The following ASRGL1 variants were observed in gnomAD, a reference collection of about 807,000 sequenced individuals.
ASRGL1 encodes the protein asparaginase and isoaspartyl peptidase 1, also known as isoaspartyl peptidase/L-asparaginase.
In ASRGL1, 16 loss-of-function variants were observed where a neutral mutation model predicts 22.4. The observed-to-expected ratio is 0.71, with a 90% confidence interval of 0.48 to 1.08. The LOEUF (loss-of-function observed/expected upper bound fraction) is 1.08. Among genes scored for constraint, ASRGL1 ranks in the 50% least tolerant of loss-of-function variants. The pLI is 0.00. For missense variants in ASRGL1, 412 were observed against 410.1 expected (o/e 1.00, Z -0.04); for synonymous variants, 165 against 159.3 (o/e 1.04, Z -0.27).
In ASRGL1 at chr11:62,338,075, T is replaced by A. The variant is rs747610961; in HGVS notation, c.98T>A (p.Val33Glu). 1 of 1,607,752 alleles carries A rather than the reference T, an allele frequency of 6.2e-7. No homozygotes were observed. The highest frequency in any genetic ancestry group is 2.2e-5 in the East Asian group (1 of 44,550). The change falls in exon 2 of 7, where the codon GTG becomes GAG. Residue 33 changes from valine (V) to glutamate (E), a missense_variant. Val to Glu is a moderately radical substitution (Grantham distance 121). Transcript: ENST00000415229. ...CAGGGCATGGTCAGAGCCGCCACCG[T>A]GGGCTACGGCATCCTCCGGGAGGGC... ...VHQGMVRAAT[V>E]GYGILREGGS...
chr11:62,372,484 G>T (rs1431333743), intron 4 of ASRGL1: 4 of 1,371,062 alleles, frequency 2.9e-6, no homozygotes, highest in Non-Finnish European at 4.2e-6. Flanking sequence ...CAACTCAGAT[G>T]GGAAGTTCAT....
chr11:62,375,428 T>TTATATATATA (rs71053051), intron 4 of ASRGL1, among the ~76,000 whole-genome samples: 132 of 68,940 alleles, frequency 1.9e-3, no homozygotes, highest in African/African-American at 2.5e-3. Context: ...TTGTCTTACT[T>TTATATATATA]TATATATATA....
At chr11:62,378,760 T>G (rs1451515052) in intron 4 of ASRGL1, among the ~76,000 whole-genome samples, 1 of 152,174 alleles carries the variant, frequency 6.6e-6, no homozygotes, top group Non-Finnish European at 1.5e-5. Context: ...TTCTAATTGT[T>G]CCTTTGCTAA....
intron 4 of ASRGL1, among the ~76,000 whole-genome samples, chr11:62,357,910 T>C (rs1438231653): frequency 4.6e-5 from 7 of 152,214 alleles, no homozygotes; most frequent in Non-Finnish European, 8.8e-5. Context: ...ATCAGAGGTA[T>C]ACCTTGTATC....
intron 4 of ASRGL1, among the ~76,000 whole-genome samples, chr11:62,388,485 G>A (rs939597287): frequency 6.6e-6 from 1 of 151,934 alleles, no homozygotes; most frequent in Non-Finnish European, 1.5e-5. Flanking sequence ...TGGCCAAGAT[G>A]ATGATGAAAC....
At chr11:62,372,061 G>A in intron 4 of ASRGL1, 1 of 754,848 alleles carries the variant, frequency 1.3e-6, no homozygotes, top group Non-Finnish European at 2.4e-6. Flanking sequence ...GGGTCCGGGT[G>A]CGGACAGTGG....
chr11:62,350,287 G>T (rs1422493895), intron 2 of ASRGL1, among the ~76,000 whole-genome samples: 1 of 152,116 alleles, frequency 6.6e-6, no homozygotes, highest in African/African-American at 2.4e-5. Context: ...TTATTGCTGA[G>T]TAGTATTCTC....
chr11:62,344,040 G>T (rs1945947216), intron 2 of ASRGL1, among the ~76,000 whole-genome samples: 1 of 150,820 alleles, frequency 6.6e-6, no homozygotes, highest in Admixed American at 6.6e-5. Context: ...AGGATTACAG[G>T]GCATGTGACC....
intron 4 of ASRGL1, chr11:62,373,269 G>C: frequency 1.4e-6 from 1 of 717,960 alleles, no homozygotes; most frequent in Non-Finnish European, 2.5e-6. Context: ...ATTTAAAAAA[G>C]CAAAAGTGGA....
At chr11:62,364,213 T>C (rs1946554708) in intron 4 of ASRGL1, among the ~76,000 whole-genome samples, 1 of 145,786 alleles carries the variant, frequency 6.9e-6, no homozygotes, top group Admixed American at 7.1e-5. Context: ...AGAAAAAATA[T>C]TTTTATGGAA....
chr11:62,339,143 T>TC (rs1434544553), intron 2 of ASRGL1, among the ~76,000 whole-genome samples: 1 of 152,148 alleles, frequency 6.6e-6, no homozygotes, highest in Non-Finnish European at 1.5e-5. Context: ...ATGTAGATTT[T>TC]CCCCACAAGA....
At chr11:62,386,647 C>T (rs747482514) in intron 4 of ASRGL1, among the ~76,000 whole-genome samples, 15 of 152,212 alleles carry the variant, frequency 9.9e-5, no homozygotes, top group South Asian at 6.2e-4. Flanking sequence ...CTTGAGAATG[C>T]GCTTATGGTA....
intron 4 of ASRGL1, among the ~76,000 whole-genome samples, chr11:62,377,099 A>T (rs571562024): frequency 6.6e-6 from 1 of 152,180 alleles, no homozygotes; most frequent in Non-Finnish European, 1.5e-5. Context: ...GCCTGTTTCC[A>T]TGTGACGTCA....
intron 4 of ASRGL1, chr11:62,373,050 C>A: frequency 7.2e-7 from 1 of 1,394,824 alleles, no homozygotes; most frequent in Non-Finnish European, 1.0e-6. Context: ...GAAGACTCTG[C>A]ATGGCATTTT....
chr11:62,347,831 AC>A (rs1946066742), intron 2 of ASRGL1, among the ~76,000 whole-genome samples: 1 of 152,068 alleles, frequency 6.6e-6, no homozygotes, highest in African/African-American at 2.4e-5. Flanking sequence ...GGAGGCTGAG[AC>A]AGGAGAATTG....
intron 1 of ASRGL1, 65 bp from the exon 2 acceptor site, chr11:62,337,825 G>GC: frequency 1.3e-6 from 1 of 779,074 alleles, no homozygotes; most frequent in Non-Finnish European, 1.9e-6. Flanking sequence ...CGACCGAGCC[G>GC]CCCCTACCCA....
At chr11:62,399,053 A>G in the ASRGL1 span, among the ~76,000 whole-genome samples, 1 of 152,140 alleles carries the variant, frequency 6.6e-6, no homozygotes, top group Non-Finnish European at 1.5e-5. Flanking sequence ...CCCCGTGTCT[A>G]CTAAAATACA....
At chr11:62,373,828 A>G (rs1946840736) in intron 4 of ASRGL1, among the ~76,000 whole-genome samples, 1 of 152,216 alleles carries the variant, frequency 6.6e-6, no homozygotes, top group Admixed American at 6.5e-5. Flanking sequence ...GTGTTTAGCC[A>G]CTTATATCTA....
chr11:62,346,180 TG>T (rs1946015947), intron 2 of ASRGL1, among the ~76,000 whole-genome samples: 1 of 152,066 alleles, frequency 6.6e-6, no homozygotes, highest in African/African-American at 2.4e-5. Flanking sequence ...AGCTATAAAT[TG>T]GGGTTCCCAT....
Sources: allele counts gnomAD v4.1 joint callset (sites outside exome capture counted in the v4.1 genomes callset), GRCh38; gene constraint gnomAD v4.1.1; transcripts MANE v1.5; gene names NCBI Gene and HGNC (gene_info 2026-07-23, HGNC 2026-07-21).